Variants in TAF7L observed in about 807,000 individuals in gnomAD.
The protein encoded by TAF7L is transcription initiation factor TFIID subunit 7-like.
TAF7L carries 6 observed loss-of-function variants against 30.2 expected under a neutral mutation model. The ratio of observed to expected loss-of-function variants is 0.20; its 90% CI spans 0.11 to 0.39. The LOEUF (loss-of-function observed/expected upper bound fraction) is 0.39. Ranked by LOEUF, TAF7L falls within the 10% of genes least tolerant of loss-of-function variation. The pLI, the probability that TAF7L is intolerant of heterozygous loss-of-function variation, is 1.00. For synonymous variants in TAF7L, 93 were observed against 94.5 expected (o/e 0.98, Z 0.09); for missense variants, 284 against 277.1 (o/e 1.03, Z -0.18).
rs772095313 is a variant in TAF7L at position 101,278,109 on chromosome X, G to A, written c.517C>T (p.Pro173Ser). 1.7e-6 allele frequency: 2 copies of A among 1,209,959 alleles called. No individual in the cohort carries two copies. The highest frequency in any genetic ancestry group is 2.2e-6 in the Non-Finnish European group (2 of 893,981). ...KSSFTEYIES[P>S]DVENEVKRLL... Reference sequence around the variant, plus strand: ...CTCTTTACTTCATTTTCCACGTCTGGAGATTCAATGTACTGAAGCAAAGTT... The same window carrying A: ...CTCTTTACTTCATTTTCCACGTCTGAAGATTCAATGTACTGAAGCAAAGTT... The change falls in exon 8 of 13, where the codon CCA (proline) becomes TCA (serine). Residue 173 changes from proline to serine, a missense_variant. By Grantham distance (74) the Pro-to-Ser change is moderately conservative (BLOSUM62 -1). Transcript: ENST00000356784.
At position 101,269,176 on chromosome X, in the gene TAF7L, C is replaced by A; in HGVS notation, c.*17G>T. On this transcript the variant is annotated 3_prime_UTR_variant, in exon 13 of 13. Transcript: ENST00000356784. ...GATGGTGAATCCAAGGTTTGTGGGC[C>A]ACGCCAATGGCTCTCCTCACTTCTT... The A allele has an allele frequency of 2.5e-6, 3 of 1,204,721 alleles. No individual in the cohort carries two copies. The highest frequency in any genetic ancestry group is 2.2e-6 in the Non-Finnish European group (2 of 890,692).
At chrX:101,274,901 T>C (rs1460270748) in intron 12 of TAF7L, among the ~76,000 whole-genome samples, 2 of 112,368 alleles carry the variant, frequency 1.8e-5, no homozygotes, top group Non-Finnish European at 3.8e-5. Context: ...AATTAGCCTA[T>C]AGTAAAATTG....
rs369581165 is a variant in TAF7L at position 101,283,302 on chromosome X, G to A, written c.279+148C>T. On this transcript the variant is annotated intron_variant, in intron 4 of 12. Transcript: ENST00000356784. ...AGGATCAAACACCAAACGAGAACAT[G>A]ACATTTCATTCCTGTGCAGTCAATC... 1.1e-5 allele frequency: 7 copies of A among 645,060 alleles called. No individual in the cohort carries two copies. The East Asian group carries it at 1.3e-4, about 12-fold the overall frequency. 53.2% of individuals were successfully genotyped at this position (645,060 alleles called of 1,213,427 possible). A position where few individuals can be genotyped will look rare whatever the true frequency, so the allele number is the denominator to read the frequency against.
In TAF7L at chrX:101,291,300, G is replaced by A; in HGVS notation, c.-79C>T. 1 of 754,341 alleles carries A rather than the reference G, an allele frequency of 1.3e-6. No homozygotes were observed. The highest frequency in any genetic ancestry group is 1.6e-6 in the Non-Finnish European group (1 of 639,135). 62.2% of individuals were successfully genotyped at this position (754,341 alleles called of 1,213,427 possible). ...CTGGTCTGTGGGTTCCGGACGAACC[G>A]CGCGTGGGCTCCCGCGCGGAACGTA... On this transcript the variant is annotated 5_prime_UTR_variant, in exon 1 of 13. Coordinates refer to ENST00000356784, the MANE Select transcript of TAF7L (RefSeq NM_001168474.2).
intron 7 of TAF7L, among the ~76,000 whole-genome samples, chrX:101,278,685 T>C (rs1878230665): frequency 8.9e-6 from 1 of 112,456 alleles, no homozygotes; most frequent in Non-Finnish European, 1.9e-5. Context: ...TGCAAACAAC[T>C]GCTGTTAAAA....
chrX:101,269,172 G>T lies in TAF7L; in HGVS notation c.*21C>A. 1 of 1,203,081 alleles carries T rather than the reference G, an allele frequency of 8.3e-7. No homozygotes were observed. Among genetic ancestry groups the T allele is most frequent in the Non-Finnish European group, 1.1e-6 (1 of 889,196 alleles). On this transcript the variant is annotated 3_prime_UTR_variant, in exon 13 of 13. Coordinates refer to ENST00000356784, the MANE Select transcript of TAF7L (RefSeq NM_001168474.2). ...TCTGGATGGTGAATCCAAGGTTTGT[G>T]GGCCACGCCAATGGCTCTCCTCACT...
Position 101,271,992 on chromosome X carries a change from C to T in TAF7L, c.1087-2755G>A, listed in dbSNP as rs958435794. Among the ~76,000 whole-genome samples the T allele has an allele frequency of 1.2e-4, 13 of 111,034 alleles. 1 individual carries two copies. The highest frequency in any genetic ancestry group is 2.0e-4 in the African/African-American group (6 of 30,492). ...GGGAATATATAGAACATAAAAATTC[C>T]GCTAGCCTTGTGGGGATGGGGGTGG... On this transcript the variant is annotated intron_variant, in intron 12 of 12. Coordinates refer to ENST00000356784, the MANE Select transcript of TAF7L (RefSeq NM_001168474.2).
intron 7 of TAF7L, among the ~76,000 whole-genome samples, chrX:101,278,785 T>C (rs1337150804): frequency 8.9e-6 from 1 of 111,846 alleles, no homozygotes; most frequent in East Asian, 2.8e-4. Flanking sequence ...GGCCAAATTG[T>C]ATCTTTTCCT....
rs180913549 is a variant in TAF7L, at chrX:101,277,991, T to C, written c.577+58A>G. On this transcript the variant is annotated intron_variant, in intron 8 of 12. Coordinates refer to ENST00000356784, the MANE Select transcript of TAF7L (RefSeq NM_001168474.2). ...CACAAACACCAGAGGTGAGGCTTCG[T>C]CAGCATGTACAAATGGGGCAGAACA... 3,659 of 1,057,670 alleles carry C rather than the reference T, an allele frequency of 3.5e-3. 6 individuals are homozygous for C. The highest frequency in any genetic ancestry group is 4.3e-3 in the Non-Finnish European group (3,284 of 758,023). The allele number at this position is 1,057,670 out of a possible 1,213,427, so 87.2% of individuals were successfully genotyped here. A position where few individuals can be genotyped will look rare whatever the true frequency, so the allele number is the denominator to read the frequency against.
rs187183780 is a variant in TAF7L, at chrX:101,281,920, C to G, written c.407-145G>C. 8.1e-3 allele frequency: 4,120 copies of G among 506,109 alleles called. 11 individuals are homozygous for G. Among genetic ancestry groups the G allele is most frequent in the Middle Eastern group, 0.038 (61 of 1,589 alleles). The allele number at this position is 506,109 out of a possible 1,213,427, so 41.7% of individuals were successfully genotyped here. On this transcript the variant is annotated intron_variant, in intron 5 of 12. Transcript: ENST00000356784. ...TTTTTTTTTGAGATCGAGTCCCACT[C>G]TGTTGCCCAGGCTGGAGTGCAGTGG...
Position 101,282,471 on chromosome X carries a change from A to C in TAF7L, c.280-18T>G. 8.3e-7 allele frequency: 1 copy of C among 1,209,919 alleles called. No individual in the cohort carries two copies. The highest frequency in any genetic ancestry group is 3.0e-5 in the East Asian group (1 of 33,812). ...ACAAGCATCTACATTTAACAAAGACAAAGAAGTTGACTATGACCACGAATT... is the reference window on the plus strand; with the variant it reads ...ACAAGCATCTACATTTAACAAAGACCAAGAAGTTGACTATGACCACGAATT... On this transcript the variant is annotated intron_variant, in intron 4 of 12. Transcript: ENST00000356784.
In TAF7L at chrX:101,281,726, T is replaced by C. The variant is rs1973678992; in HGVS notation, c.456A>G (p.Gln152=). 1 of 1,208,914 alleles carries C rather than the reference T, an allele frequency of 8.3e-7. No homozygotes were observed. Among genetic ancestry groups the C allele is most frequent in the African/African-American group, 1.8e-5 (1 of 56,991 alleles). ...CAAATAGCATGTAACTAACCTTTTTTTGTGTTTTCCGGAACCTTTTCTTTC... is the reference window on the plus strand; with the variant it reads ...CAAATAGCATGTAACTAACCTTTTTCTGTGTTTTCCGGAACCTTTTCTTTC... ...NVRKKRFRKT[Q]KKVPDVKEME... is the part of the protein sequence containing the mutation. The change falls in exon 6 of 13, where the codon CAA becomes CAG. Residue 152 remains glutamine (Q), a synonymous_variant. Transcript: ENST00000356784.
intron 1 of TAF7L, among the ~76,000 whole-genome samples, chrX:101,289,549 C>G (rs1038320229): frequency 2.7e-5 from 3 of 111,256 alleles, no homozygotes; most frequent in Non-Finnish European, 5.7e-5. Flanking sequence ...ATTTGTAGAG[C>G]CCTGCATTTT....
chrX:101,278,706 G>A (rs1338065420), intron 7 of TAF7L, among the ~76,000 whole-genome samples: 2 of 112,391 alleles, frequency 1.8e-5, no homozygotes, highest in Non-Finnish European at 1.9e-5. Flanking sequence ...GTGAGCTCTG[G>A]CTCCCAAGGA....
In TAF7L at chrX:101,291,317, C is replaced by T; in HGVS notation, c.-96G>A. ...GACGAACCGCGCGTGGGCTCCCGCG[C>T]GGAACGTAGAGGCGAACGCTGGGCT... is the stretch of plus-strand genomic sequence containing the variant. On this transcript the variant is annotated 5_prime_UTR_variant, in exon 1 of 13. Coordinates refer to ENST00000356784, the MANE Select transcript of TAF7L (RefSeq NM_001168474.2). 1 of 753,733 alleles carries T rather than the reference C, an allele frequency of 1.3e-6. No homozygotes were observed. The highest frequency in any genetic ancestry group is 1.6e-6 in the Non-Finnish European group (1 of 638,592). The allele number at this position is 753,733 out of a possible 1,213,427, so 62.1% of individuals were successfully genotyped here.
At chrX:101,292,203 C>A (rs1174738569), upstream of TAF7L, among the ~76,000 whole-genome samples, 1 of 94,481 alleles carries the variant, frequency 1.1e-5, no homozygotes, top group Non-Finnish European at 2.1e-5. Flanking sequence ...CCCGCCACTG[C>A]ACTCCAGCCT....
upstream of TAF7L, chrX:101,293,009 C>T: frequency 1.7e-6 from 2 of 1,211,319 alleles, no homozygotes; most frequent in Non-Finnish European, 2.2e-6. Flanking sequence ...GAATCATTTT[C>T]TGAAGAAATG....
In TAF7L at chrX:101,278,242, C is replaced by T. The variant is rs1924289642; in HGVS notation, c.505-121G>A. 3 of 504,549 alleles carry T rather than the reference C, an allele frequency of 5.9e-6. No homozygotes were observed. The South Asian group carries it at 1.1e-4, about 18-fold the overall frequency. The allele number at this position is 504,549 out of a possible 1,213,427, so 41.6% of individuals were successfully genotyped here. A position where few individuals can be genotyped will look rare whatever the true frequency, so the allele number is the denominator to read the frequency against. On this transcript the variant is annotated intron_variant, in intron 7 of 12. Coordinates refer to ENST00000356784, the MANE Select transcript of TAF7L (RefSeq NM_001168474.2). ...ATGTTAGGCCTCTTTAAATTCTGAT[C>T]CAACCAAATTTCTACTTTAAGTAGT...
chrX:101,271,571 A>G (rs936802009), intron 12 of TAF7L, among the ~76,000 whole-genome samples: 1 of 112,179 alleles, frequency 8.9e-6, no homozygotes, highest in South Asian at 3.7e-4. Context: ...TAGAGCTTGC[A>G]GGACTAGAAG....
Sources: allele counts gnomAD v4.1 joint callset (sites outside exome capture counted in the v4.1 genomes callset), GRCh38; gene constraint gnomAD v4.1.1; transcripts MANE v1.5; gene names NCBI Gene and HGNC (gene_info 2026-07-23, HGNC 2026-07-21).